Variants in SNX29 observed in about 807,000 individuals in gnomAD.
SNX29 encodes sorting nexin-29.
SNX29 carries 78 observed loss-of-function variants against 102.1 expected under a neutral mutation model. That is an observed-to-expected ratio of 0.76 (90% CI 0.64 to 0.92). The LOEUF (loss-of-function observed/expected upper bound fraction) is 0.92. Ranked by LOEUF, SNX29 falls within the 40% of genes least tolerant of loss-of-function variation. The probability of loss-of-function intolerance (pLI) is 0.00; values close to 1 mark genes in which losing one functional copy is unlikely to be tolerated. For missense variants in SNX29, 1,280 were observed against 1,061.7 expected, an observed-to-expected ratio of 1.21 and a Z score of -2.86; for synonymous variants, 580 against 414.5, an observed-to-expected ratio of 1.40 and a Z score of -4.85.
intron 20 of SNX29, among the ~76,000 whole-genome samples, chr16:12,533,525 A>G (rs2076987451): frequency 6.6e-6 from 1 of 152,172 alleles, no homozygotes; most frequent in Non-Finnish European, 1.5e-5. Context: ...CCCGTCAGCC[A>G]CTGCAGCCTT....
chr16:12,353,094 C>G (rs948177060), intron 15 of SNX29, among the ~76,000 whole-genome samples: 1 of 152,162 alleles, frequency 6.6e-6, no homozygotes, highest in Non-Finnish European at 1.5e-5. Context: ...ACCCTGTCTT[C>G]TCTCCGAGTC....
At chr16:12,458,986 A>C (rs1017637074) in intron 18 of SNX29, among the ~76,000 whole-genome samples, 1 of 152,072 alleles carries the variant, frequency 6.6e-6, no homozygotes, top group Non-Finnish European at 1.5e-5. Flanking sequence ...AGCTTGATCT[A>C]GGGTCTCAGC....
At chr16:12,027,494 C>G (rs1387014534) in intron 4 of SNX29, 50 bp downstream of exon 4, 2 of 1,601,652 alleles carry the variant, frequency 1.2e-6, no homozygotes, top group East Asian at 2.2e-5. Context: ...TCCTTCTGCT[C>G]TTTTTCTTTT....
intron 1 of SNX29, among the ~76,000 whole-genome samples, chr16:11,997,045 G>A (rs560194096): frequency 9.9e-4 from 151 of 152,300 alleles, no homozygotes; most frequent in Non-Finnish European, 1.7e-3. Context: ...AGGCTTTAGA[G>A]GTCTTGAGTC....
chr16:12,367,542 G>A (rs550135278), intron 16 of SNX29: 2 of 152,296 alleles, frequency 1.3e-5, no homozygotes, highest in East Asian at 1.9e-4. Flanking sequence ...CCCAAGTTTT[G>A]TAATAAGATT....
intron 18 of SNX29, among the ~76,000 whole-genome samples, chr16:12,457,306 G>GC (rs2086582243): frequency 6.6e-6 from 1 of 152,202 alleles, no homozygotes; most frequent in Admixed American, 6.5e-5. Context: ...AGGTAGGTTG[G>GC]CCAGGGTTGT....
At chr16:12,341,094 G>A (rs1408706525) in intron 15 of SNX29, among the ~76,000 whole-genome samples, 2 of 151,984 alleles carry the variant, frequency 1.3e-5, no homozygotes, top group Non-Finnish European at 2.9e-5. Context: ...CCTGTGGAAC[G>A]CATCCAACCT....
chr16:12,403,263 GAC>G (rs1237214151), intron 17 of SNX29, among the ~76,000 whole-genome samples, 183 bp from the exon 18 acceptor site: 2 of 150,628 alleles, frequency 1.3e-5, no homozygotes, highest in Non-Finnish European at 1.5e-5. Context: ...TGTAGAGAGA[GAC>G]AGACTGAGTG....
intron 19 of SNX29, among the ~76,000 whole-genome samples, chr16:12,499,750 T>A (rs968079063): frequency 6.6e-6 from 1 of 152,172 alleles, no homozygotes; most frequent in African/African-American, 2.4e-5. Context: ...CACGGCTCAC[T>A]TGCAGCCTTG....
At chr16:12,003,931 C>T (rs1373451998) in intron 3 of SNX29, among the ~76,000 whole-genome samples, 2 of 152,054 alleles carry the variant, frequency 1.3e-5, no homozygotes, top group Non-Finnish European at 2.9e-5. Flanking sequence ...CGCTTGAACC[C>T]AGGCTAATTT....
chr16:12,266,504 C>G (rs778200641), intron 14 of SNX29, among the ~76,000 whole-genome samples: 2 of 152,092 alleles, frequency 1.3e-5, no homozygotes, highest in Non-Finnish European at 2.9e-5. Context: ...AGAACAACAC[C>G]TGTCACTTAG....
At chr16:12,297,542 T>C (rs934391081) in intron 15 of SNX29, among the ~76,000 whole-genome samples, 1 of 151,992 alleles carries the variant, frequency 6.6e-6, no homozygotes, top group African/African-American at 2.4e-5. Flanking sequence ...ACTTGAAATT[T>C]GCTAAGAGAG....
At chr16:12,199,392 G>T (rs2076857191) in intron 13 of SNX29, among the ~76,000 whole-genome samples, 1 of 152,270 alleles carries the variant, frequency 6.6e-6, no homozygotes, top group East Asian at 1.9e-4. Flanking sequence ...TCTCATGAAA[G>T]AATAGTTCTT....
chr16:12,087,884 A>G, intron 11 of SNX29: 1 of 456,838 alleles, frequency 2.2e-6, no homozygotes. Context: ...CGATAGGCTA[A>G]GCTGGCAACC....
rs576476817 is a variant in SNX29, at chr16:12,565,016, G to C, written c.2319-3490G>C. Among the ~76,000 whole-genome samples the C allele has an allele frequency of 7.2e-5, 11 of 151,958 alleles. No homozygotes were observed. The East Asian group carries it at 1.9e-3, about 27-fold the overall frequency. On this transcript the variant is annotated intron_variant, in intron 20 of 20. Coordinates refer to ENST00000566228, the MANE Select transcript of SNX29 (RefSeq NM_032167.5). ...ACAGCCCATGTCTCTACTGTTGGAC[G>C]CCAGTCCTGGGATGAGCCTGGCACT...
intron 20 of SNX29, among the ~76,000 whole-genome samples, chr16:12,560,515 C>A (rs8044240): frequency 3.3e-5 from 5 of 151,922 alleles, no homozygotes; most frequent in Admixed American, 2.6e-4. Context: ...GTCCTGCCCT[C>A]CACCTTCCAA....
rs764836945 is a variant in SNX29 at position 12,181,240 on chromosome 16, C to T, written c.1596-18361C>T. Among the ~76,000 whole-genome samples, 119 of 152,308 alleles carry T rather than the reference C, an allele frequency of 7.8e-4. 1 individual carries two copies. Among genetic ancestry groups the T allele is most frequent in the Non-Finnish European group, 8.1e-4 (55 of 68,030 alleles). On this transcript the variant is annotated intron_variant, in intron 13 of 20. Transcript: ENST00000566228. ...AAGTTTATTTTGCTAAGGTTGAGGG[C>T]GTGCCCATGACACAGCCTCCGGAGG...
At chr16:12,160,221 T>G (rs1392195315) in intron 13 of SNX29, among the ~76,000 whole-genome samples, 6 of 152,282 alleles carry the variant, frequency 3.9e-5, no homozygotes, top group African/African-American at 1.4e-4. Context: ...ACGAACTGCC[T>G]CCACTCCACT....
intron 14 of SNX29, among the ~76,000 whole-genome samples, chr16:12,275,838 T>A (rs1331758308): frequency 6.6e-6 from 1 of 151,568 alleles, no homozygotes; most frequent in Non-Finnish European, 1.5e-5. Context: ...CAAATCTGGG[T>A]ACTTACCATA....
Sources: gnomAD v4.1 joint callset for allele counts (sites outside exome capture counted in the v4.1 genomes callset) on GRCh38, gnomAD v4.1.1 for gene constraint, MANE v1.5 for transcripts, NCBI Gene and HGNC (gene_info 2026-07-23, HGNC 2026-07-21) for gene names.